Variants in TRPM2 observed in about 807,000 individuals in gnomAD.
TRPM2 encodes estrogen-responsive element-associated gene 1 protein.
TRPM2 carries 161 observed loss-of-function variants against 174.0 expected under a neutral mutation model. The ratio of observed to expected loss-of-function variants is 0.93; its 90% CI spans 0.81 to 1.05. The LOEUF (loss-of-function observed/expected upper bound fraction) is 1.05, where lower values mean the gene tolerates loss of function less well. Among genes scored for constraint, TRPM2 ranks in the 50% least tolerant of loss-of-function variants. The probability of loss-of-function intolerance (pLI) is 0.00; values close to 1 mark genes in which losing one functional copy is unlikely to be tolerated. For synonymous variants in TRPM2, 954 were observed against 861.3 expected (o/e 1.11, Z -1.88); for missense variants, 2,057 against 2,038.0 (o/e 1.01, Z -0.18).
intron 21 of TRPM2, among the ~76,000 whole-genome samples, 156 bp downstream of exon 21, chr21:44,418,264 G>A (rs2050385676): frequency 6.6e-6 from 1 of 152,206 alleles, no homozygotes; most frequent in Admixed American, 6.5e-5. Context: ...CAAGTGGTGG[G>A]GGCTGAGCCC....
intron 9 of TRPM2, among the ~76,000 whole-genome samples, chr21:44,384,265 C>T (rs1174456592): frequency 6.6e-6 from 1 of 152,172 alleles, no homozygotes; most frequent in African/African-American, 2.4e-5. Context: ...TTTTATGTGA[C>T]TAAAACAGAA....
At position 44,406,587 on chromosome 21, in the gene TRPM2, C is replaced by T. The variant is rs1569077308; in HGVS notation, c.2791-7C>T. On this transcript the variant is annotated splice_region_variant and splice_polypyrimidine_tract_variant and intron_variant, in intron 18 of 31. Transcript: ENST00000397928. ...AGAGTGTAGCCCACACACTCTCTGT[C>T]CTGCAGATGAAGGACGTCTTCTTCT... The T allele has an allele frequency of 1.2e-6, 2 of 1,606,616 alleles. No homozygotes were observed. Among genetic ancestry groups the T allele is most frequent in the Non-Finnish European group, 1.7e-6 (2 of 1,178,906 alleles).
chr21:44,389,640 T>A (rs1386660188), intron 9 of TRPM2, among the ~76,000 whole-genome samples: 3 of 152,224 alleles, frequency 2.0e-5, no homozygotes, highest in African/African-American at 7.2e-5. Context: ...TCCTGAGGAC[T>A]ACTGATGTGG....
At chr21:44,355,511 G>A (rs907134991) in intron 2 of TRPM2, among the ~76,000 whole-genome samples, 5 of 152,154 alleles carry the variant, frequency 3.3e-5, no homozygotes, top group African/African-American at 7.2e-5. Flanking sequence ...GCAGCCTTCC[G>A]TGACTATACA....
rs2051407447 is a variant in TRPM2, at chr21:44,439,459, A to G, written c.4269+291A>G. Among the ~76,000 whole-genome samples the G allele has an allele frequency of 6.6e-6, 1 of 152,042 alleles. No homozygotes were observed. The highest frequency in any genetic ancestry group is 2.1e-4 in the South Asian group (1 of 4,818). On this transcript the variant is annotated intron_variant, in intron 30 of 31. Transcript: ENST00000397928. The surrounding 1 kb of genome is among the most constrained non-coding windows in gnomAD (Gnocchi z 5.1). ...AGGACCCTTGCTGCCTTCGAGTGTG[A>G]CAGCTGCTTGGAGGCCTGGTGCCGC...
At chr21:44,435,014 G>T in intron 27 of TRPM2, 117 bp from the exon 28 acceptor site, 4 of 953,470 alleles carry the variant, frequency 4.2e-6, no homozygotes, top group Non-Finnish European at 6.6e-6. Flanking sequence ...AAGCCTGCAT[G>T]CTGTCCCGCT....
chr21:44,413,746 G>T (rs2050182312), intron 19 of TRPM2, 145 bp from the exon 20 acceptor site: 7 of 941,308 alleles, frequency 7.4e-6, no homozygotes, highest in African/African-American at 4.9e-5. Context: ...TGGCCCAGAG[G>T]TGACAGCTGA....
chr21:44,419,764 GT>G (rs2050467130), intron 22 of TRPM2, among the ~76,000 whole-genome samples: 1 of 4,654 alleles, frequency 2.1e-4, no homozygotes, highest in African/African-American at 8.2e-4. Flanking sequence ...GGCAGTGGTG[GT>G]GGTGGTGGTG....
At chr21:44,434,793 G>A (rs2051170832) in intron 27 of TRPM2, among the ~76,000 whole-genome samples, 1 of 152,118 alleles carries the variant, frequency 6.6e-6, no homozygotes, top group Admixed American at 6.5e-5. Flanking sequence ...GCCTTTGGAT[G>A]CAAAGTGCTG....
In TRPM2 at chr21:44,424,892, C is replaced by A. The variant is rs375502010; in HGVS notation, c.3590C>A (p.Thr1197Lys). 18 of 1,608,108 alleles carry A rather than the reference C, an allele frequency of 1.1e-5. No individual in the cohort carries two copies. The highest frequency in any genetic ancestry group is 1.4e-5 in the Non-Finnish European group (17 of 1,178,520). ...TAQALHWIVRTLRASGFSSEA... is the reference protein window; with the variant it reads ...TAQALHWIVRKLRASGFSSEA... ...CAAGCCCTGCACTGGATCGTGAGGA[C>A]GCTGCGGGCCAGCGGCTTCAGCTCG... Residue 1197 changes from threonine (T) to lysine (K), a missense_variant, in exon 24 of 32, where the codon ACG becomes AAG. Coordinates refer to ENST00000397928, the MANE Select transcript of TRPM2 (RefSeq NM_003307.4).
chr21:44,388,863 G>A (rs980034654), intron 9 of TRPM2, among the ~76,000 whole-genome samples: 3 of 151,942 alleles, frequency 2.0e-5, no homozygotes, highest in Non-Finnish European at 4.4e-5. Context: ...AACCCAAAAA[G>A]TTAAGATGGT....
chr21:44,410,622 T>G (rs1338718854), intron 19 of TRPM2, among the ~76,000 whole-genome samples: 8 of 73,918 alleles, frequency 1.1e-4, no homozygotes, highest in South Asian at 3.9e-4. Flanking sequence ...CTGTCTTGGT[T>G]GGCGTAGCCT....
chr21:44,388,650 C>CAAAA (rs60322957), intron 9 of TRPM2, among the ~76,000 whole-genome samples: 30 of 82,922 alleles, frequency 3.6e-4, no homozygotes, highest in Admixed American at 6.9e-4. Context: ...CCTGTCACTA[C>CAAAA]AAAAAAAAAA....
At chr21:44,437,283 G>GCA in intron 29 of TRPM2, 116 bp downstream of exon 29, 17 of 965,854 alleles carry the variant, frequency 1.8e-5, no homozygotes, top group South Asian at 5.9e-5. Context: ...TGCAGCCCCT[G>GCA]GGCAGGGAGG....
In TRPM2 at chr21:44,401,833, C is replaced by A; in HGVS notation, c.2474C>A (p.Pro825His). ...YVLMVDFQPV[P>H]SWCECAIYLW... ...CTCATGGTGGACTTCCAGCCTGTGCCCTCCTGGTGCGAGTGTGCCATCTAC... is the reference window on the plus strand; with the variant it reads ...CTCATGGTGGACTTCCAGCCTGTGCACTCCTGGTGCGAGTGTGCCATCTAC... The change falls in exon 16 of 32, where the codon CCC (proline) becomes CAC (histidine). Residue 825 changes from proline (P) to histidine (H), a missense_variant. By Grantham distance (77) the Pro-to-His change is moderately conservative. Coordinates refer to ENST00000397928, the MANE Select transcript of TRPM2 (RefSeq NM_003307.4). 6.2e-7 allele frequency: 1 copy of A among 1,613,916 alleles called. No homozygotes were observed. Among genetic ancestry groups the A allele is most frequent in the East Asian group, 2.2e-5 (1 of 44,884 alleles).
chr21:44,365,523 G>C (rs1031763362), intron 3 of TRPM2, among the ~76,000 whole-genome samples: 1 of 152,166 alleles, frequency 6.6e-6, no homozygotes, highest in African/African-American at 2.4e-5. Flanking sequence ...CTGTGGTCAC[G>C]GGGACAGTCC....
At position 44,366,884 on chromosome 21, in the gene TRPM2, G is replaced by A. The variant is rs141320102; in HGVS notation, c.554G>A (p.Arg185Gln). 7.3e-4 allele frequency: 1,171 copies of A among 1,612,412 alleles called. 1 individual carries two copies. The highest frequency in any genetic ancestry group is 9.2e-4 in the Non-Finnish European group (1,083 of 1,178,990). ...GCCAAGAACTTCAACATGAAGCCGCGGCTGAAGAGCATTTTCCGCAGAGGC... is the reference window on the plus strand; with the variant it reads ...GCCAAGAACTTCAACATGAAGCCGCAGCTGAAGAGCATTTTCCGCAGAGGC... Reference protein sequence around the residue: ...GGAKNFNMKPRLKSIFRRGLV... With the variant: ...GGAKNFNMKPQLKSIFRRGLV... The change falls in exon 4 of 32, where the codon CGG (arginine) becomes CAG (glutamine). Residue 185 changes from arginine to glutamine, a missense_variant. Physicochemically the swap from Arg to Gln is conservative, Grantham distance 43. Coordinates refer to ENST00000397928, the MANE Select transcript of TRPM2 (RefSeq NM_003307.4). The surrounding 1 kb of genome is among the most constrained non-coding windows in gnomAD (Gnocchi z 6.0).
At position 44,391,467 on chromosome 21, in the gene TRPM2, C is replaced by G; in HGVS notation, c.1636C>G (p.Arg546Gly). 1 of 1,612,116 alleles carries G rather than the reference C, an allele frequency of 6.2e-7. No individual in the cohort carries two copies. The highest frequency in any genetic ancestry group is 2.2e-5 in the East Asian group (1 of 44,856). The change falls in exon 11 of 32, where the codon CGC (arginine) becomes GGC (glycine). Residue 546 changes from arginine to glycine, a missense_variant. Transcript: ENST00000397928. This position sits in a 1 kb window ranked among gnomAD's most constrained non-coding sequence, Gnocchi z 5.0. ...GAAGGTGCTGGTGGAGGATCCCGAG[C>G]GCCCGGCTTGCGCGCCCGCGGCGCC... is the stretch of plus-strand genomic sequence containing the variant. ...LQKVLVEDPE[R>G]PACAPAAPRL...
rs574745976 is a variant in TRPM2 at position 44,363,488 on chromosome 21, T to C, written c.255-626T>C. Among the ~76,000 whole-genome samples, 22 of 146,502 alleles carry C rather than the reference T, an allele frequency of 1.5e-4. No homozygotes were observed. The East Asian group carries it at 4.3e-3, about 29-fold the overall frequency. On this transcript the variant is annotated intron_variant, in intron 2 of 31. Coordinates refer to ENST00000397928, the MANE Select transcript of TRPM2 (RefSeq NM_003307.4). ...AGGTCCATCCTTTGAGTTTTTTATT[T>C]CAGTTACTGCATTTTTCAGCTCTAA...
Sources: gnomAD v4.1 joint callset for allele counts (sites outside exome capture counted in the v4.1 genomes callset) on GRCh38, gnomAD v4.1.1 for gene constraint, Gnocchi (gnomAD v3.1) non-coding constraint, MANE v1.5 for transcripts, NCBI Gene and HGNC (gene_info 2026-07-23, HGNC 2026-07-21) for gene names.